PRKG1: variants seen among roughly 807,000 people sequenced by gnomAD.
PRKG1 encodes the protein cGMP-dependent protein kinase 1.
In PRKG1, 35 loss-of-function variants were observed where a neutral mutation model predicts 88.1. The observed-to-expected ratio is 0.40, with a 90% confidence interval of 0.30 to 0.53. The LOEUF (loss-of-function observed/expected upper bound fraction) is 0.53, where lower values mean the gene tolerates loss of function less well. PRKG1 is among the 20% of genes least tolerant of loss of function. The probability of loss-of-function intolerance (pLI) is 0.59; values close to 1 mark genes in which losing one functional copy is unlikely to be tolerated. For synonymous variants in PRKG1, 303 were observed against 292.5 expected, an observed-to-expected ratio of 1.04 and a Z score of -0.37; for missense variants, 540 against 839.8, an observed-to-expected ratio of 0.64 and a Z score of 4.41.
At chr10:52,281,810 G>A (rs1175346575) in intron 13 of PRKG1, among the ~76,000 whole-genome samples, 1 of 151,972 alleles carries the variant, frequency 6.6e-6, no homozygotes, top group Non-Finnish European at 1.5e-5. Context: ...AGGCCCAACT[G>A]GTCGTTAACA....
intron 10 of PRKG1, among the ~76,000 whole-genome samples, chr10:52,270,212 T>C (rs1402526263): frequency 6.6e-6 from 1 of 152,024 alleles, no homozygotes; most frequent in Non-Finnish European, 1.5e-5. Context: ...AAATTAGAAA[T>C]GTTAACAACA....
Position 50,991,662 on chromosome 10 carries a change from G to A in PRKG1, c.266+18G>A. 1.4e-6 allele frequency: 2 copies of A among 1,469,606 alleles called. No homozygotes were observed. The highest frequency in any genetic ancestry group is 1.8e-6 in the Non-Finnish European group (2 of 1,106,576). The allele number at this position is 1,469,606 out of a possible 1,614,324, so 91.0% of individuals were successfully genotyped here. ...TCCGAAAGGTAGGCGCGGAGGCCGT[G>A]GGCCCGGGCGCTCGTCCCGGCCCGC... On this transcript the variant is annotated intron_variant, in intron 1 of 17. Coordinates refer to the PRKG1 transcript ENST00000401604. The surrounding 1 kb of genome is among the most constrained non-coding windows in gnomAD (Gnocchi z 4.5).
intron 9 of PRKG1, among the ~76,000 whole-genome samples, chr10:52,176,305 T>G (rs955331900): frequency 1.3e-5 from 2 of 151,784 alleles, no homozygotes; most frequent in Non-Finnish European, 2.9e-5. Flanking sequence ...TTGGCACCTT[T>G]GTGAAAAATC....
At chr10:51,470,029 C>G (rs1172174190) in intron 3 of PRKG1, among the ~76,000 whole-genome samples, 2 of 151,766 alleles carry the variant, frequency 1.3e-5, no homozygotes, top group Admixed American at 1.3e-4. Flanking sequence ...GTACTTGTGA[C>G]TGTAGGCCTC....
chr10:51,698,286 C>A, intron 3 of PRKG1: 2 of 1,614,108 alleles, frequency 1.2e-6, no homozygotes, highest in Non-Finnish European at 1.7e-6. Flanking sequence ...GTTTCCATGG[C>A]ACGAGTCTCC....
At chr10:51,952,333 A>C (rs559132337) in intron 5 of PRKG1, among the ~76,000 whole-genome samples, 8 of 152,188 alleles carry the variant, frequency 5.3e-5, no homozygotes, top group Non-Finnish European at 1.2e-4. Flanking sequence ...TTCATCAGGC[A>C]AATTTGGGAA....
intron 9 of PRKG1, among the ~76,000 whole-genome samples, chr10:52,244,783 T>TAC (rs1840969252): frequency 1.6e-5 from 2 of 125,638 alleles, no homozygotes; most frequent in African/African-American, 5.6e-5. Flanking sequence ...TATACCTTAA[T>TAC]ATATATTTAA....
chr10:51,361,257 A>C (rs936055355), intron 2 of PRKG1, among the ~76,000 whole-genome samples: 2 of 151,892 alleles, frequency 1.3e-5, no homozygotes, highest in Non-Finnish European at 2.9e-5. Context: ...AGCCCATGCT[A>C]CATGGCATGA....
intron 3 of PRKG1, among the ~76,000 whole-genome samples, chr10:51,544,891 C>G (rs1194634814): frequency 2.0e-5 from 3 of 152,078 alleles, no homozygotes; most frequent in Non-Finnish European, 4.4e-5. Context: ...ACAGACACTT[C>G]TCAAAAGAAG....
rs182472653 is a variant in PRKG1 at position 51,758,112 on chromosome 10, A to G, written c.593-46473A>G. 1.0e-3 allele frequency among the ~76,000 whole-genome samples: 152 copies of G among 152,302 alleles called. 1 individual carries two copies. Among genetic ancestry groups the G allele is most frequent in the African/African-American group, 3.5e-3 (147 of 41,574 alleles). ...TCACATATGAAGTTTTCAAAAGCCT[A>G]GGATGTAGGAAACAGTCTAGAAAAA... is the stretch of plus-strand genomic sequence containing the variant. On this transcript the variant is annotated intron_variant, in intron 3 of 17. Transcript: ENST00000373980.
intron 2 of PRKG1, among the ~76,000 whole-genome samples, chr10:51,273,964 G>C (rs1244869983): frequency 2.0e-5 from 3 of 152,226 alleles, no homozygotes; most frequent in African/African-American, 7.2e-5. Context: ...AAGATGGAAT[G>C]TGTACAAATC....
At chr10:51,248,090 A>G (rs929212520) in intron 2 of PRKG1, among the ~76,000 whole-genome samples, 9 of 151,968 alleles carry the variant, frequency 5.9e-5, no homozygotes, top group African/African-American at 2.2e-4. Context: ...GTAGAAAGTT[A>G]GAAGGACTGA....
intron 9 of PRKG1, among the ~76,000 whole-genome samples, chr10:52,189,793 A>C (rs542237079): frequency 6.6e-6 from 1 of 152,270 alleles, no homozygotes; most frequent in African/African-American, 2.4e-5. Context: ...AAAGAATGAT[A>C]CTGATCAGGT....
intron 3 of PRKG1, among the ~76,000 whole-genome samples, chr10:51,778,614 T>C (rs2132558204): frequency 6.6e-6 from 1 of 152,300 alleles, no homozygotes; most frequent in African/African-American, 2.4e-5. Flanking sequence ...ACAAAAAATG[T>C]GTGGTGAGTG....
intron 3 of PRKG1, among the ~76,000 whole-genome samples, chr10:51,476,077 C>T (rs1840184851): frequency 6.6e-6 from 1 of 152,078 alleles, no homozygotes; most frequent in Non-Finnish European, 1.5e-5. Context: ...TGGCCATTGA[C>T]TTAATTCATA....
At chr10:51,426,896 A>G (rs952136154) in intron 2 of PRKG1, among the ~76,000 whole-genome samples, 3 of 152,020 alleles carry the variant, frequency 2.0e-5, no homozygotes, top group Non-Finnish European at 4.4e-5. Flanking sequence ...CTGCCATATG[A>G]CTTTCTTTTT....
At chr10:52,156,648 G>A (rs542301956) in intron 8 of PRKG1, among the ~76,000 whole-genome samples, 12 of 151,548 alleles carry the variant, frequency 7.9e-5, no homozygotes, top group Admixed American at 2.0e-4. Flanking sequence ...AGTATAAACC[G>A]CTAAGAATTA....
At chr10:51,957,708 C>G (rs1843348219) in intron 5 of PRKG1, among the ~76,000 whole-genome samples, 1 of 152,080 alleles carries the variant, frequency 6.6e-6, no homozygotes, top group Non-Finnish European at 1.5e-5. Flanking sequence ...CTCAGTATAC[C>G]TTATAATTTA....
chr10:52,098,698 T>C (rs1404490044), intron 7 of PRKG1, among the ~76,000 whole-genome samples: 1 of 152,116 alleles, frequency 6.6e-6, no homozygotes, highest in Non-Finnish European at 1.5e-5. Context: ...TGAAAATACA[T>C]AGGAGAGTGC....
Sources: gnomAD v4.1 joint callset for allele counts (sites outside exome capture counted in the v4.1 genomes callset) on GRCh38, gnomAD v4.1.1 for gene constraint, Gnocchi (gnomAD v3.1) non-coding constraint, MANE v1.5 for transcripts, NCBI Gene and HGNC (gene_info 2026-07-23, HGNC 2026-07-21) for gene names.